The following DICER1 variants were observed in gnomAD, a reference collection of about 807,000 sequenced individuals.
The protein encoded by DICER1 is dicer 1, ribonuclease III.
Under a neutral mutation model 194.1 loss-of-function variants are expected in DICER1, and 43 were observed. The observed-to-expected ratio is 0.22, with a 90% CI of 0.17 to 0.29. The LOEUF is 0.29. Ranked by LOEUF, DICER1 falls within the 10% of genes least tolerant of loss-of-function variation. The pLI is 1.00. For missense variants in DICER1, 1,608 were observed against 2,317.0 expected, an observed-to-expected ratio of 0.69 and a Z score of 6.28; for synonymous variants, 832 against 820.5, an observed-to-expected ratio of 1.01 and a Z score of -0.24.
At chr14:95,111,161 TGA>T in intron 14 of DICER1, 154 bp downstream of exon 14, 1 of 805,852 alleles carries the variant, frequency 1.2e-6, no homozygotes, top group Non-Finnish European at 2.1e-6. Flanking sequence ...GAGGCTGATC[TGA>T]GAGAAGCTGT....
At chr14:95,108,603 T>C in intron 14 of DICER1, 100 bp from the exon 15 acceptor site, 1 of 1,102,662 alleles carries the variant, frequency 9.1e-7, no homozygotes, top group Non-Finnish European at 1.4e-6. Context: ...TACTAAAAGC[T>C]GATGAGAATA....
At chr14:95,127,697 C>T (rs1034159274) in intron 6 of DICER1, among the ~76,000 whole-genome samples, 3 of 152,214 alleles carry the variant, frequency 2.0e-5, no homozygotes, top group South Asian at 2.1e-4. Context: ...TTTTGAATTT[C>T]GCGTTTTCAG....
Position 95,087,840 on chromosome 14 carries a change from T to C in DICER1, c.*2658A>G. Reference sequence around the variant, plus strand: ...ACAACCACACCCCACTGGTAGGTTTTCCATATTACATTCGGTCTCACATTG... The same window carrying C: ...ACAACCACACCCCACTGGTAGGTTTCCCATATTACATTCGGTCTCACATTG... On this transcript the variant is annotated 3_prime_UTR_variant, in exon 27 of 27. Transcript: ENST00000343455. 4.3e-6 allele frequency: 1 copy of C among 233,250 alleles called. No homozygotes were observed. Among genetic ancestry groups the C allele is most frequent in the Non-Finnish European group, 8.5e-6 (1 of 118,032 alleles). 14.4% of individuals were successfully genotyped at this position (233,250 alleles called of 1,614,324 possible). A position where few individuals can be genotyped will look rare whatever the true frequency, so the allele number is the denominator to read the frequency against.
In DICER1 at chr14:95,116,579, T is replaced by C. The variant is rs1332133230; in HGVS notation, c.1626A>G (p.Glu542=). 3.1e-6 allele frequency: 5 copies of C among 1,613,932 alleles called. No individual in the cohort carries two copies. Among genetic ancestry groups the C allele is most frequent in the Non-Finnish European group, 4.2e-6 (5 of 1,179,978 alleles). ...NLVVRFDLPT[E]YRSYVQSKGR... ...CTTTAGATTGAACATAGGATCGATA[T>C]TCTGTGGGCAAATCAAAACGAACCA... Residue 542 remains glutamate, a synonymous_variant, in exon 10 of 27, where the codon GAA becomes GAG. Coordinates refer to ENST00000343455, the MANE Select transcript of DICER1 (RefSeq NM_177438.3).
intron 23 of DICER1, 120 bp downstream of exon 23, chr14:95,095,705 T>C: frequency 9.4e-7 from 1 of 1,059,268 alleles, no homozygotes; most frequent in Non-Finnish European, 1.4e-6. Context: ...CCCCGCCCCA[T>C]CCCTTGAATA....
In DICER1 at chr14:95,096,359, C is replaced by G. The variant is rs2139848103; in HGVS notation, c.4561G>C (p.Asp1521His). ...TTCCAGAACCCCACCACAAAGTCAT[C>G]TTCTTCAACAGCTTTGCTAGGATCC... Reference protein sequence around the residue: ...YLDPSKAVEEDDFVVGFWNPS... With the variant: ...YLDPSKAVEEHDFVVGFWNPS... Residue 1521 changes from aspartate to histidine, a missense_variant, in exon 23 of 27, where the codon GAT (aspartate) becomes CAT (histidine). Transcript: ENST00000343455. 1 of 1,614,250 alleles carries G rather than the reference C, an allele frequency of 6.2e-7. No homozygotes were observed. The highest frequency in any genetic ancestry group is 8.5e-7 in the Non-Finnish European group (1 of 1,180,040).
chr14:95,124,905 T>C lies in DICER1; in HGVS notation c.904-237A>G, dbSNP rs1313929320. Among the ~76,000 whole-genome samples, 1 of 152,176 alleles carries C rather than the reference T, an allele frequency of 6.6e-6. No individual in the cohort carries two copies. The highest frequency in any genetic ancestry group is 1.9e-4 in the East Asian group (1 of 5,196). On this transcript the variant is annotated intron_variant, in intron 7 of 26. Transcript: ENST00000343455. The surrounding 1 kb of genome is among the most constrained non-coding windows in gnomAD (Gnocchi z 4.5). ...AAATAATCAAACAGAAATTAAAAGA[T>C]GCAATTGTATGAGGTTAATGAAGCT...
chr14:95,095,904 T>A lies in DICER1; in HGVS notation c.5016A>T (p.Lys1672Asn), dbSNP rs1438773814. 3 of 1,614,050 alleles carry A rather than the reference T, an allele frequency of 1.9e-6. No individual in the cohort carries two copies. The highest frequency in any genetic ancestry group is 1.7e-5 in the Admixed American group (1 of 59,994). ...LISGFENFEK[K>N]INYRFKNKAY... is the part of the protein sequence containing the mutation. ...CCTTATTCTTGAATCTGTAGTTGATTTTCTTTTCAAAATTTTCAAACCCCG... is the reference window on the plus strand; with the variant it reads ...CCTTATTCTTGAATCTGTAGTTGATATTCTTTTCAAAATTTTCAAACCCCG... Residue 1672 changes from lysine to asparagine, a missense_variant, in exon 23 of 27, where the codon AAA (lysine) becomes AAT (asparagine). Lys to Asn is a moderately conservative substitution (Grantham distance 94, BLOSUM62 0). This residue lies in a region of DICER1 where 125 missense variants were observed against 134.9 expected (regional missense o/e 0.93). Coordinates refer to ENST00000343455, the MANE Select transcript of DICER1 (RefSeq NM_177438.3).
intron 1 of DICER1, among the ~76,000 whole-genome samples, chr14:95,151,370 A>G (rs1205120189): frequency 6.6e-6 from 1 of 152,248 alleles, no homozygotes. Flanking sequence ...GGGGCTCACA[A>G]TATAATCTAA....
Position 95,126,658 on chromosome 14 carries a change from T to G in DICER1, c.825A>C (p.Glu275Asp). Residue 275 changes from glutamate to aspartate, a missense_variant, in exon 7 of 27, where the codon GAA becomes GAC. This residue lies in a region of DICER1 where 657 missense variants were observed against 910.1 expected (regional missense o/e 0.72). Coordinates refer to ENST00000343455, the MANE Select transcript of DICER1 (RefSeq NM_177438.3). ...AATCATTGATAAAATTAAGTGCTTC[T>G]TCTAATTCCATCAGCAGTCTTTCAT... is the stretch of plus-strand genomic sequence containing the variant. ...GLYERLLMEL[E>D]EALNFINDCN... The G allele has an allele frequency of 6.3e-7, 1 of 1,588,182 alleles. No homozygotes were observed. Among genetic ancestry groups the G allele is most frequent in the Non-Finnish European group, 8.6e-7 (1 of 1,156,488 alleles).
At chr14:95,121,629 C>T (rs1007395008) in intron 8 of DICER1, among the ~76,000 whole-genome samples, 6 of 152,110 alleles carry the variant, frequency 3.9e-5, no homozygotes, top group Non-Finnish European at 5.9e-5. Context: ...GTATATTACA[C>T]GGTGAAAAGA....
chr14:95,115,854 A>C (rs1472594684), intron 10 of DICER1, 33 bp from the exon 11 acceptor site: 27 of 1,610,192 alleles, frequency 1.7e-5, no homozygotes, highest in Non-Finnish European at 2.0e-5. Flanking sequence ...TTATGATGAA[A>C]ACACATCCTC....
At chr14:95,121,121 CA>C (rs1258843736) in intron 8 of DICER1, among the ~76,000 whole-genome samples, 3 of 152,080 alleles carry the variant, frequency 2.0e-5, no homozygotes, top group African/African-American at 7.2e-5. Context: ...ACCCCAAGAA[CA>C]TAAGAAAAAC....
rs546351154 is a variant in DICER1 at position 95,094,918 on chromosome 14, A to G, written c.5096-762T>C. Among the ~76,000 whole-genome samples the G allele has an allele frequency of 4.6e-5, 7 of 151,330 alleles. No individual in the cohort carries two copies. In the East Asian group the frequency reaches 7.7e-4, roughly 17 times the overall value. On this transcript the variant is annotated intron_variant, in intron 23 of 26. Transcript: ENST00000343455. Reference sequence around the variant, plus strand: ...CAGAATAAGCAAGGAATTAAGAAGCAGGGACTGCTAGGCGAGAACCCAGGT... The same window carrying G: ...CAGAATAAGCAAGGAATTAAGAAGCGGGGACTGCTAGGCGAGAACCCAGGT...
chr14:95,099,682 AATT>A (rs958758582), intron 22 of DICER1, 95 bp downstream of exon 22: 1 of 1,463,154 alleles, frequency 6.8e-7, no homozygotes, highest in African/African-American at 1.4e-5. Flanking sequence ...TGAAACAAAA[AATT>A]AATAAAACAA....
intron 24 of DICER1, 129 bp downstream of exon 24, chr14:95,093,759 C>T (rs1185597769): frequency 2.0e-6 from 2 of 1,012,908 alleles, no homozygotes; most frequent in Non-Finnish European, 3.1e-6. Flanking sequence ...TCCCACAGAA[C>T]ACAGCACACT....
At chr14:95,095,719 A>C in intron 23 of DICER1, 106 bp downstream of exon 23, 1 of 1,187,890 alleles carries the variant, frequency 8.4e-7, no homozygotes. Flanking sequence ...TTGAATATTA[A>C]GCATGAACAC....
chr14:95,149,412 G>A (rs1374286051), intron 1 of DICER1, among the ~76,000 whole-genome samples: 1 of 152,120 alleles, frequency 6.6e-6, no homozygotes. Context: ...CAAAACAAGT[G>A]TGTACCAACA....
chr14:95,113,015 C>CAAGT (rs1892114147), intron 12 of DICER1, 77 bp downstream of exon 12: 18 of 1,468,086 alleles, frequency 1.2e-5, no homozygotes, highest in Non-Finnish European at 1.7e-5. Context: ...CTATAACTTG[C>CAAGT]AAGTCTTAGA....
Sources: gnomAD v4.1 joint callset for allele counts (sites outside exome capture counted in the v4.1 genomes callset) on GRCh38, gnomAD v4.1.1 for gene constraint, gnomAD v4.1.1 regional missense constraint, Gnocchi (gnomAD v3.1) non-coding constraint, MANE v1.5 for transcripts, NCBI Gene and HGNC (gene_info 2026-07-23, HGNC 2026-07-21) for gene names.